LY6S: variants seen among roughly 807,000 people sequenced by gnomAD.
LY6S encodes the protein lymphocyte antigen 6 family member S.
At chr8:143,070,487 A>ATTTTTTTTTTTTTTTTT in the LY6S span, among the ~76,000 whole-genome samples, 2 of 84,066 alleles carry the variant, frequency 2.4e-5, no homozygotes, top group South Asian at 3.5e-4. Context: ...ATATATATAT[A>ATTTTTTTTTTTTTTTTT]TATTTTTTTT....
chr8:143,073,059 C>T, the LY6S span, among the ~76,000 whole-genome samples: 3 of 102,368 alleles, frequency 2.9e-5, no homozygotes, highest in African/African-American at 5.2e-5. Context: ...CCGTCGTCCT[C>T]GGGGTCCCTG....
chr8:143,060,721 T>G, the LY6S span, among the ~76,000 whole-genome samples: 1 of 152,186 alleles, frequency 6.6e-6, no homozygotes, highest in Admixed American at 6.5e-5. Context: ...TCTTTTCTTC[T>G]ATCTCTTTGT....
chr8:143,047,453 G>A, the LY6S span, among the ~76,000 whole-genome samples: 1 of 152,086 alleles, frequency 6.6e-6, no homozygotes, highest in Non-Finnish European at 1.5e-5. Context: ...CCAGGGGCTT[G>A]ACTTCTGCTC....
chr8:143,070,487 A>ATTTTTTTTTTTTTTTTTT, the LY6S span, among the ~76,000 whole-genome samples: 2 of 84,062 alleles, frequency 2.4e-5, no homozygotes, highest in Non-Finnish European at 4.0e-5. Context: ...ATATATATAT[A>ATTTTTTTTTTTTTTTTTT]TATTTTTTTT....
the LY6S span, among the ~76,000 whole-genome samples, chr8:143,045,335 C>A: frequency 0.021 from 3,183 of 152,248 alleles, 101 homozygotes; most frequent in African/African-American, 0.073. This position sits in a 1 kb window ranked among gnomAD's most constrained non-coding sequence, Gnocchi z 5.3. Flanking sequence ...GTCTTCATGG[C>A]CTGGAGACTG....
At chr8:143,048,992 G>C in the LY6S span, among the ~76,000 whole-genome samples, 1 of 152,132 alleles carries the variant, frequency 6.6e-6, no homozygotes, top group African/African-American at 2.4e-5. Flanking sequence ...CTGATGAGAC[G>C]TTGGGCCCCC....
chr8:143,064,510 G>C, the LY6S span, among the ~76,000 whole-genome samples: 2 of 152,068 alleles, frequency 1.3e-5, no homozygotes, highest in Non-Finnish European at 2.9e-5. Flanking sequence ...CCAGTTTTTC[G>C]ATTGCAAGCT....
chr8:143,074,548 A>T, the LY6S span, among the ~76,000 whole-genome samples: 3 of 152,082 alleles, frequency 2.0e-5, no homozygotes. Flanking sequence ...TTTATTTTTA[A>T]TAACAAATAA....
At chr8:143,050,921 G>A in the LY6S span, among the ~76,000 whole-genome samples, 18 of 152,362 alleles carry the variant, frequency 1.2e-4, no homozygotes, top group South Asian at 1.4e-3. Context: ...GGCCCGGCTC[G>A]GGGTCGGGGA....
the LY6S span, among the ~76,000 whole-genome samples, chr8:143,064,811 T>G: frequency 2.9e-4 from 44 of 152,336 alleles, no homozygotes; most frequent in East Asian, 4.4e-3. Flanking sequence ...TGCGGGGAAT[T>G]GCTCCAGTCG....
chr8:143,054,411 C>T, the LY6S span: 1 of 152,056 alleles, frequency 6.6e-6, no homozygotes, highest in Non-Finnish European at 1.5e-5. Context: ...ACTCTACCAT[C>T]CCCTGATGGG....
chr8:143,051,238 A>C, the LY6S span, among the ~76,000 whole-genome samples: 1 of 152,102 alleles, frequency 6.6e-6, no homozygotes, highest in African/African-American at 2.4e-5. Context: ...TCTTGACGTA[A>C]ATCCATCTTA....
the LY6S span, among the ~76,000 whole-genome samples, chr8:143,061,164 G>A: frequency 2.0e-5 from 3 of 152,044 alleles, no homozygotes; most frequent in Admixed American, 1.3e-4. Context: ...GGTGGCTCAC[G>A]TCTGTAATCC....
the LY6S span, among the ~76,000 whole-genome samples, chr8:143,049,770 G>A: frequency 5.9e-5 from 9 of 152,234 alleles, no homozygotes; most frequent in Non-Finnish European, 1.0e-4. Context: ...TGCTCGCACT[G>A]GGACTTCACA....
chr8:143,043,091 G>C, the LY6S span: 1 of 1,367,544 alleles, frequency 7.3e-7, no homozygotes, highest in Non-Finnish European at 9.8e-7. Flanking sequence ...ACAGAGGGTA[G>C]GCCTGCGGGG....
the LY6S span, among the ~76,000 whole-genome samples, chr8:143,069,543 C>G: frequency 1.3e-5 from 2 of 152,186 alleles, no homozygotes; most frequent in Non-Finnish European, 2.9e-5. Context: ...ATTAACAGCC[C>G]GGCCATAGTT....
At chr8:143,072,026 C>A in the LY6S span, among the ~76,000 whole-genome samples, 1 of 152,244 alleles carries the variant, frequency 6.6e-6, no homozygotes, top group African/African-American at 2.4e-5. Context: ...CATGCTTCCT[C>A]CTGACATTGC....
the LY6S span, among the ~76,000 whole-genome samples, chr8:143,045,978 C>T: frequency 2.0e-5 from 3 of 152,126 alleles, no homozygotes; most frequent in Non-Finnish European, 2.9e-5. This position sits in a 1 kb window ranked among gnomAD's most constrained non-coding sequence, Gnocchi z 5.3. Context: ...CTCAGCCTCC[C>T]GAGTAGCTGT....
the LY6S span, among the ~76,000 whole-genome samples, chr8:143,060,989 A>G: frequency 7.3e-6 from 1 of 137,186 alleles, no homozygotes; most frequent in Non-Finnish European, 1.5e-5. Context: ...TAGGAAAAAT[A>G]AAAGCAAACA....
Sources: gnomAD v4.1 joint callset for allele counts (sites outside exome capture counted in the v4.1 genomes callset) on GRCh38, gnomAD v4.1.1 for gene constraint, Gnocchi (gnomAD v3.1) non-coding constraint, MANE v1.5 for transcripts, NCBI Gene and HGNC (gene_info 2026-07-23, HGNC 2026-07-21) for gene names.